The following MAGI2 variants were observed in gnomAD, a reference collection of about 807,000 sequenced individuals.
MAGI2 encodes the protein membrane associated guanylate kinase, WW and PDZ domain containing 2.
MAGI2 carries 35 observed loss-of-function variants against 133.3 expected under a neutral mutation model. That is an observed-to-expected ratio of 0.26 (90% CI 0.20 to 0.35). The LOEUF is 0.35. Ranked by LOEUF, MAGI2 falls within the 10% of genes least tolerant of loss-of-function variation. MAGI2 has a pLI of 1.00. For missense variants in MAGI2, 1,636 were observed against 1,863.4 expected, an observed-to-expected ratio of 0.88 and a Z score of 2.25; for synonymous variants, 729 against 710.6, an observed-to-expected ratio of 1.03 and a Z score of -0.41.
chr7:78,113,461 G>A (rs1819558143), intron 20 of MAGI2, among the ~76,000 whole-genome samples: 1 of 152,042 alleles, frequency 6.6e-6, no homozygotes, highest in African/African-American at 2.4e-5. Context: ...GATCAACAGT[G>A]GACTGCATAT....
intron 10 of MAGI2, among the ~76,000 whole-genome samples, chr7:78,244,307 A>C (rs1371942689): frequency 1.3e-5 from 2 of 151,970 alleles, no homozygotes; most frequent in Non-Finnish European, 2.9e-5. Flanking sequence ...TGAATAAAAG[A>C]GACAATTTGT....
chr7:78,026,349 G>A (rs1027769602), intron 21 of MAGI2, among the ~76,000 whole-genome samples: 1 of 152,178 alleles, frequency 6.6e-6, no homozygotes, highest in Admixed American at 6.5e-5. Flanking sequence ...TAAAACCAGA[G>A]AGCTGACCCA....
rs189336145 is a variant in MAGI2, at chr7:78,448,998, C to A, written c.1045+40763G>T. Reference sequence around the variant, plus strand: ...GGTGAAGATATGGGTCAAAGGGCATCTGATCTGGCTTAAAAACAGTCACTC... The same window carrying A: ...GGTGAAGATATGGGTCAAAGGGCATATGATCTGGCTTAAAAACAGTCACTC... On this transcript the variant is annotated intron_variant, in intron 6 of 21. Coordinates refer to ENST00000354212, the MANE Select transcript of MAGI2 (RefSeq NM_012301.4). Among the ~76,000 whole-genome samples, 62 of 152,178 alleles carry A rather than the reference C, an allele frequency of 4.1e-4. No homozygotes were observed. In the Middle Eastern group the frequency reaches 0.014, roughly 33 times the overall value.
intron 2 of MAGI2, among the ~76,000 whole-genome samples, chr7:78,751,381 G>A (rs1395931381): frequency 6.6e-6 from 1 of 152,196 alleles, no homozygotes; most frequent in Non-Finnish European, 1.5e-5. Context: ...ACACGTTCTT[G>A]TAATTGTATT....
At chr7:78,494,916 C>A (rs1358551745) in intron 5 of MAGI2, among the ~76,000 whole-genome samples, 2 of 152,042 alleles carry the variant, frequency 1.3e-5, no homozygotes, top group Non-Finnish European at 2.9e-5. Context: ...AATACTATGC[C>A]ATAAGAATAA....
chr7:78,514,290 TTAATAG>T (rs1795857209), intron 4 of MAGI2, among the ~76,000 whole-genome samples: 1 of 150,920 alleles, frequency 6.6e-6, no homozygotes, highest in African/African-American at 2.4e-5. Context: ...TATAAAATTA[TTAATAG>T]TAATATTATA....
intron 6 of MAGI2, among the ~76,000 whole-genome samples, chr7:78,461,884 C>A (rs1463203119): frequency 5.2e-5 from 6 of 115,636 alleles, no homozygotes; most frequent in Admixed American, 3.4e-4. Context: ...GCACTCTAGC[C>A]GGGGCAACAA....
At chr7:78,585,071 G>C (rs1421674538) in intron 3 of MAGI2, among the ~76,000 whole-genome samples, 1 of 152,128 alleles carries the variant, frequency 6.6e-6, no homozygotes, top group African/African-American at 2.4e-5. Flanking sequence ...AGGATAAAAG[G>C]GGTTCCAGAA....
At chr7:78,704,098 C>A (rs1414032984) in intron 2 of MAGI2, among the ~76,000 whole-genome samples, 1 of 152,044 alleles carries the variant, frequency 6.6e-6, no homozygotes, top group Admixed American at 6.6e-5. Flanking sequence ...TAAAGAGCTT[C>A]TGCATATCAG....
chr7:79,348,015 C>T (rs1289496554), intron 1 of MAGI2, among the ~76,000 whole-genome samples: 1 of 151,766 alleles, frequency 6.6e-6, no homozygotes, highest in Admixed American at 6.6e-5. Flanking sequence ...ATAAAGCAAA[C>T]TAGTTGGTAA....
intron 2 of MAGI2, among the ~76,000 whole-genome samples, chr7:78,867,407 G>GCCA: frequency 1.3e-5 from 2 of 151,014 alleles, no homozygotes; most frequent in South Asian, 4.2e-4. Context: ...GGATGAAATT[G>GCCA]GAAATCATCA....
At chr7:78,432,377 T>G (rs1418680679) in intron 6 of MAGI2, among the ~76,000 whole-genome samples, 1 of 152,100 alleles carries the variant, frequency 6.6e-6, no homozygotes, top group Non-Finnish European at 1.5e-5. Context: ...CAGATTGTAG[T>G]TCTAACCGTG....
At chr7:78,761,939 G>A (rs1585326519) in intron 2 of MAGI2, among the ~76,000 whole-genome samples, 1 of 152,034 alleles carries the variant, frequency 6.6e-6, no homozygotes, top group Non-Finnish European at 1.5e-5. Flanking sequence ...GCACCAATGA[G>A]GAGCTCTCCA....
chr7:79,296,071 C>A (rs897285058), intron 1 of MAGI2, among the ~76,000 whole-genome samples: 3 of 152,094 alleles, frequency 2.0e-5, no homozygotes, highest in Admixed American at 6.6e-5. Context: ...CAGAGTTGTT[C>A]AAATCCATGT....
intron 1 of MAGI2, among the ~76,000 whole-genome samples, chr7:79,075,316 C>T (rs1815364020): frequency 2.0e-5 from 3 of 152,120 alleles, no homozygotes; most frequent in Non-Finnish European, 4.4e-5. Context: ...TGAAGGAACT[C>T]TTACCTTCCA....
chr7:78,511,537 A>G (rs1351966823), intron 4 of MAGI2, among the ~76,000 whole-genome samples: 16 of 119,540 alleles, frequency 1.3e-4, no homozygotes, highest in African/African-American at 4.2e-4. Context: ...CATCTTTTAT[A>G]TATATATATA....
intron 4 of MAGI2, among the ~76,000 whole-genome samples, chr7:78,502,947 C>T (rs1794750466): frequency 6.6e-6 from 1 of 151,968 alleles, no homozygotes; most frequent in Non-Finnish European, 1.5e-5. Context: ...AATCTGAGGC[C>T]AGATTAAGGA....
At chr7:79,064,958 T>C (rs1482561469) in intron 1 of MAGI2, among the ~76,000 whole-genome samples, 3 of 152,086 alleles carry the variant, frequency 2.0e-5, no homozygotes, top group African/African-American at 7.2e-5. Context: ...AATACCCTAA[T>C]TATTGGTGGA....
chr7:78,982,693 T>C lies in MAGI2; in HGVS notation c.418+24397A>G, dbSNP rs116497224. On this transcript the variant is annotated intron_variant, in intron 2 of 21. Coordinates refer to ENST00000354212, the MANE Select transcript of MAGI2 (RefSeq NM_012301.4). ...CTAACCATAATACACTTTTTTATTA[T>C]ATACATTTATGAAAGCCAGGAAGGA... Among the ~76,000 whole-genome samples, 1,274 of 151,960 alleles carry C rather than the reference T, an allele frequency of 8.4e-3. 25 individuals carry two copies. The highest frequency in any genetic ancestry group is 0.029 in the African/African-American group (1,223 of 41,492).
Sources: gnomAD v4.1 joint callset for allele counts (sites outside exome capture counted in the v4.1 genomes callset) on GRCh38, gnomAD v4.1.1 for gene constraint, MANE v1.5 for transcripts, NCBI Gene and HGNC (gene_info 2026-07-23, HGNC 2026-07-21) for gene names.